Variants in ATP2C1 observed in about 807,000 individuals in gnomAD.
ATP2C1 encodes the protein calcium-transporting ATPase type 2C member 1.
In ATP2C1, 31 loss-of-function variants were observed where a neutral mutation model predicts 120.5. The observed-to-expected ratio is 0.26, with a 90% CI of 0.19 to 0.35. ATP2C1 has a LOEUF of 0.35. ATP2C1 is among the 10% of genes least tolerant of loss of function. The pLI is 1.00. For missense variants in ATP2C1, 731 were observed against 1,107.5 expected (o/e 0.66, Z 4.83); for synonymous variants, 351 against 358.7 (o/e 0.98, Z 0.24).
At chr3:130,858,458 T>G (rs997829338) in intron 1 of ATP2C1, among the ~76,000 whole-genome samples, 1 of 152,212 alleles carries the variant, frequency 6.6e-6, no homozygotes, top group African/African-American at 2.4e-5. Flanking sequence ...ATTAACTCCT[T>G]TAGAGCAGCC....
intron 20 of ATP2C1, among the ~76,000 whole-genome samples, chr3:130,981,863 A>C (rs1225431469): frequency 6.6e-6 from 1 of 152,164 alleles, no homozygotes; most frequent in Admixed American, 6.5e-5. Context: ...TTCTTTAGTG[A>C]AGTGTCTGCC....
intron 6 of ATP2C1, among the ~76,000 whole-genome samples, chr3:130,940,205 T>C (rs1188297094): frequency 2.0e-5 from 3 of 152,246 alleles, no homozygotes; most frequent in African/African-American, 7.2e-5. Context: ...AAACCATTGC[T>C]GTTAGCATGG....
chr3:130,978,256 G>C (rs1053485149), intron 18 of ATP2C1, among the ~76,000 whole-genome samples: 24 of 152,062 alleles, frequency 1.6e-4, no homozygotes, highest in African/African-American at 5.8e-4. Context: ...TGGAAAAATA[G>C]AATTACTTGC....
intron 8 of ATP2C1, among the ~76,000 whole-genome samples, chr3:130,941,973 T>G (rs1252302096): frequency 6.6e-6 from 1 of 152,204 alleles, no homozygotes; most frequent in Non-Finnish European, 1.5e-5. Context: ...ACAGAATACT[T>G]GTGACTAGGG....
At chr3:130,984,645 A>G (rs2061915093) in intron 20 of ATP2C1, among the ~76,000 whole-genome samples, 1 of 152,178 alleles carries the variant, frequency 6.6e-6, no homozygotes, top group Admixed American at 6.6e-5. Flanking sequence ...GAAAGATGTA[A>G]TCTCTAATGT....
intron 26 of ATP2C1, among the ~76,000 whole-genome samples, chr3:131,009,457 T>C (rs1011942980): frequency 6.6e-6 from 1 of 152,268 alleles, no homozygotes; most frequent in Non-Finnish European, 1.5e-5. Context: ...CATTGTAGCA[T>C]GTTCATTTTT....
chr3:130,894,725 C>G lies in ATP2C1; in HGVS notation c.-45C>G. The G allele has an allele frequency of 6.2e-7, 1 of 1,614,156 alleles. No homozygotes were observed. Among genetic ancestry groups the G allele is most frequent in the Non-Finnish European group, 8.5e-7 (1 of 1,180,024 alleles). On this transcript the variant is annotated 5_prime_UTR_variant, in exon 2 of 28. Coordinates refer to ENST00000510168, the MANE Select transcript of ATP2C1 (RefSeq NM_001378687.1). This position sits in a 1 kb window ranked among gnomAD's most constrained non-coding sequence, Gnocchi z 4.5. ...ATTCCCAGTGTGGCCGTGGCTGACA[C>G]TAAAGACTTTGTAGCCATCAACCCG...
chr3:131,010,030 A>G (rs542445602), intron 26 of ATP2C1, among the ~76,000 whole-genome samples: 25 of 152,114 alleles, frequency 1.6e-4, no homozygotes, highest in Non-Finnish European at 3.4e-4. Flanking sequence ...AGCATGTGGT[A>G]GAGAGCAGCA....
rs546707571 is a variant in ATP2C1, at chr3:130,874,479, T to G, written c.108+23551T>G. ...GAATAATTCATATTGTATTATACTCTTCACTTTTATAGGAACAATCATCAA... is the reference window on the plus strand; with the variant it reads ...GAATAATTCATATTGTATTATACTCGTCACTTTTATAGGAACAATCATCAA... On this transcript the variant is annotated intron_variant, in intron 1 of 26. Transcript: ENST00000504381. 1.1e-4 allele frequency among the ~76,000 whole-genome samples: 16 copies of G among 152,358 alleles called. No homozygotes were observed. The East Asian group carries it at 2.9e-3, about 28-fold the overall frequency.
At chr3:130,877,092 GTTTA>G (rs1445375401) in intron 1 of ATP2C1, among the ~76,000 whole-genome samples, 2 of 152,182 alleles carry the variant, frequency 1.3e-5, no homozygotes, top group East Asian at 1.9e-4. Context: ...TTTGGATGCT[GTTTA>G]TTTATTTCTC....
chr3:130,907,774 G>C (rs2058205983), intron 2 of ATP2C1, among the ~76,000 whole-genome samples: 1 of 143,112 alleles, frequency 7.0e-6, no homozygotes, highest in African/African-American at 2.6e-5. Context: ...TGGATCCCTT[G>C]CATTTCCATA....
At chr3:131,004,208 A>G (rs2063012671), downstream of ATP2C1, among the ~76,000 whole-genome samples, 1 of 152,214 alleles carries the variant, frequency 6.6e-6, no homozygotes. Flanking sequence ...TTTCCTTGAC[A>G]TTGGCATTTG....
chr3:130,969,219 G>T (rs1367710091), intron 16 of ATP2C1, 73 bp from the exon 17 acceptor site: 6 of 1,004,478 alleles, frequency 6.0e-6, no homozygotes, highest in Non-Finnish European at 9.5e-6. Flanking sequence ...TACAAGTGGT[G>T]ACCCTTGTTC....
chr3:130,899,719 G>A (rs1174251839), intron 2 of ATP2C1: 2 of 152,262 alleles, frequency 1.3e-5, no homozygotes, highest in African/African-American at 4.8e-5. Flanking sequence ...AACCTGTGAT[G>A]TGTTTAGAAA....
intron 20 of ATP2C1, among the ~76,000 whole-genome samples, chr3:130,986,283 C>G (rs1419780655): frequency 6.7e-5 from 10 of 150,066 alleles, no homozygotes. Flanking sequence ...GGTATTGGGA[C>G]AGAGTATTAG....
At chr3:130,913,312 C>T (rs1321626367) in intron 2 of ATP2C1, among the ~76,000 whole-genome samples, 5 of 151,864 alleles carry the variant, frequency 3.3e-5, no homozygotes, top group Non-Finnish European at 7.4e-5. Flanking sequence ...GTGGGTATCC[C>T]TCTCCAGCCT....
chr3:130,855,825 C>T (rs1347899421), intron 1 of ATP2C1: 1 of 152,222 alleles, frequency 6.6e-6, no homozygotes, highest in East Asian at 1.9e-4. Flanking sequence ...CCTCAACTTA[C>T]ACTGCCCTTC....
chr3:130,942,175 G>C (rs142040667), intron 8 of ATP2C1, among the ~76,000 whole-genome samples: 2 of 152,320 alleles, frequency 1.3e-5, no homozygotes, highest in African/African-American at 4.8e-5. Flanking sequence ...CAAAGATGGG[G>C]AAGACAATGA....
intron 12 of ATP2C1, 172 bp downstream of exon 12, chr3:130,959,513 AATGT>A: frequency 2.1e-6 from 1 of 485,458 alleles, no homozygotes. Flanking sequence ...GAAAAATGAA[AATGT>A]ATGTATATGG....
Sources: gnomAD v4.1 joint callset for allele counts (sites outside exome capture counted in the v4.1 genomes callset) on GRCh38, gnomAD v4.1.1 for gene constraint, Gnocchi (gnomAD v3.1) non-coding constraint, MANE v1.5 for transcripts, NCBI Gene and HGNC (gene_info 2026-07-23, HGNC 2026-07-21) for gene names.